Variants in MELK observed in about 807,000 individuals in gnomAD.
MELK encodes maternal embryonic leucine zipper kinase.
Under a neutral mutation model 85.0 loss-of-function variants are expected in MELK, and 81 were observed. That is an observed-to-expected ratio of 0.95 (90% confidence interval 0.80 to 1.15). MELK has a LOEUF of 1.15. Among genes scored for constraint, MELK ranks in the 50% most tolerant of loss-of-function variants. The pLI is 0.00. For synonymous variants in MELK, 252 were observed against 265.0 expected (o/e 0.95, Z 0.48); for missense variants, 754 against 777.5 (o/e 0.97, Z 0.36).
At chr9:36,652,729 C>CAAAAAAA (rs745699767) in intron 12 of MELK, among the ~76,000 whole-genome samples, 1 of 95,064 alleles carries the variant, frequency 1.1e-5, no homozygotes, top group African/African-American at 4.0e-5. Context: ...GACTCTGTCT[C>CAAAAAAA]AAAAAAAAAA....
At position 36,614,346 on chromosome 9, in the gene MELK, C is replaced by T. The variant is rs112433785; in HGVS notation, c.666+6673C>T. ...CCTGACTCAGGTGATTCACCTGCCT[C>T]GGCCTCCCAAGGTGCTGGGATTACA... On this transcript the variant is annotated intron_variant, in intron 8 of 17. Coordinates refer to ENST00000298048, the MANE Select transcript of MELK (RefSeq NM_014791.4). Among the ~76,000 whole-genome samples, 670 of 151,254 alleles carry T rather than the reference C, an allele frequency of 4.4e-3. 6 individuals carry two copies. Among genetic ancestry groups the T allele is most frequent in the African/African-American group, 0.016 (646 of 41,222 alleles).
chr9:36,595,669 G>C (rs1402980366), intron 5 of MELK, among the ~76,000 whole-genome samples: 1 of 144,688 alleles, frequency 6.9e-6, no homozygotes, highest in East Asian at 2.1e-4. Flanking sequence ...GCAGTGGCAT[G>C]ATCAGGGCTC....
intron 13 of MELK, among the ~76,000 whole-genome samples, chr9:36,659,225 AG>A (rs752299708): frequency 2.0e-5 from 3 of 152,030 alleles, no homozygotes; most frequent in Non-Finnish European, 2.9e-5. Context: ...CATATTGGCC[AG>A]GCTGGTGTTA....
At chr9:36,608,420 T>TAC (rs1262794337) in intron 8 of MELK, among the ~76,000 whole-genome samples, 3 of 148,736 alleles carry the variant, frequency 2.0e-5, no homozygotes, top group Non-Finnish European at 3.0e-5. Flanking sequence ...AACTTGTGTA[T>TAC]ATATATATAT....
intron 10 of MELK, among the ~76,000 whole-genome samples, chr9:36,638,389 G>A (rs774164446): frequency 1.3e-5 from 2 of 152,026 alleles, no homozygotes; most frequent in Non-Finnish European, 2.9e-5. Flanking sequence ...GGGTTCAAGC[G>A]ATTTTCCTGC....
chr9:36,577,511 A>G (rs1192004092), intron 1 of MELK, among the ~76,000 whole-genome samples: 2 of 151,924 alleles, frequency 1.3e-5, no homozygotes, highest in East Asian at 2.0e-4. Context: ...GCAAGACTCC[A>G]TCTCAAACAA....
intron 9 of MELK, among the ~76,000 whole-genome samples, chr9:36,630,786 T>C (rs935097966): frequency 5.3e-5 from 8 of 151,732 alleles, no homozygotes; most frequent in African/African-American, 1.7e-4. Flanking sequence ...TCCGAGTAGG[T>C]GGGATTACAG....
At chr9:36,623,011 A>G (rs183181015) in intron 8 of MELK, among the ~76,000 whole-genome samples, 3 of 152,312 alleles carry the variant, frequency 2.0e-5, no homozygotes, top group African/African-American at 7.2e-5. Flanking sequence ...ATCTCTGACC[A>G]TTTTTTGCTC....
intron 11 of MELK, among the ~76,000 whole-genome samples, chr9:36,650,064 T>C (rs10814424): frequency 0.77 from 117,397 of 151,740 alleles, 47,849 homozygotes; most frequent in Non-Finnish European, 0.9. Context: ...CTGCCTCAGC[T>C]TCCTGAGTAG....
chr9:36,615,800 G>A (rs10972998), intron 8 of MELK, among the ~76,000 whole-genome samples: 2 of 146,514 alleles, frequency 1.4e-5, no homozygotes, highest in Non-Finnish European at 3.0e-5. Flanking sequence ...ATGTGATGGC[G>A]GCTGGGAAGA....
intron 16 of MELK, 56 bp downstream of exon 16, chr9:36,671,222 C>T: frequency 1.7e-5 from 20 of 1,173,880 alleles, no homozygotes; most frequent in Middle Eastern, 2.2e-4. Context: ...AATGGACTGC[C>T]TTTTTTTTTT....
intron 10 of MELK, among the ~76,000 whole-genome samples, chr9:36,636,610 G>A (rs1031660326): frequency 3.9e-5 from 6 of 152,240 alleles, no homozygotes; most frequent in East Asian, 3.9e-4. Context: ...ACCTGGGGTC[G>A]TGGCTACAGT....
chr9:36,595,559 A>G (rs1343287015), intron 5 of MELK, among the ~76,000 whole-genome samples: 4 of 148,884 alleles, frequency 2.7e-5, no homozygotes, highest in African/African-American at 9.9e-5. Flanking sequence ...TGCATTTATG[A>G]GCATTCTGTG....
At chr9:36,632,933 T>A (rs1396906132) in intron 9 of MELK, among the ~76,000 whole-genome samples, 169 bp from the exon 10 acceptor site, 1 of 152,256 alleles carries the variant, frequency 6.6e-6, no homozygotes, top group African/African-American at 2.4e-5. Context: ...CTTGCCTCTG[T>A]TGCCTTTTTA....
At chr9:36,618,424 AAAAG>A (rs1003922117) in intron 8 of MELK, among the ~76,000 whole-genome samples, 66 of 151,946 alleles carry the variant, frequency 4.3e-4, no homozygotes, top group Non-Finnish European at 8.7e-4. Context: ...AAAAAAAAGA[AAAAG>A]AAAATTGAAT....
intron 1 of MELK, 63 bp from the exon 2 acceptor site, chr9:36,581,581 C>T: frequency 1.2e-6 from 1 of 826,406 alleles, no homozygotes; most frequent in South Asian, 1.6e-5. Flanking sequence ...TTTGCAGTTA[C>T]AAGAATGGAG....
chr9:36,614,445 A>ATTTTT (rs1564162098), intron 8 of MELK, among the ~76,000 whole-genome samples: 22 of 88,904 alleles, frequency 2.5e-4, no homozygotes, highest in African/African-American at 9.1e-4. Flanking sequence ...TTTTTTTTTA[A>ATTTTT]TTTATTTTTT....
In MELK at chr9:36,657,373, T is replaced by G. The variant is rs778934770; in HGVS notation, c.1176+10T>G. The G allele has an allele frequency of 6.3e-7, 1 of 1,597,094 alleles. No individual in the cohort carries two copies. Among genetic ancestry groups the G allele is most frequent in the East Asian group, 2.2e-5 (1 of 44,688 alleles). On this transcript the variant is annotated intron_variant, in intron 13 of 17. Transcript: ENST00000298048. ...TCCCCGAACATCACAGGTTCGTCAT[T>G]CTTATTACTATTTAAGGCAGAATCT...
At chr9:36,664,307 T>C (rs1411373534) in intron 13 of MELK, among the ~76,000 whole-genome samples, 1 of 152,218 alleles carries the variant, frequency 6.6e-6, no homozygotes, top group African/African-American at 2.4e-5. Flanking sequence ...ATGCTCATAG[T>C]GCTTGTGTCT....
Sources: allele counts gnomAD v4.1 joint callset (sites outside exome capture counted in the v4.1 genomes callset), GRCh38; gene constraint gnomAD v4.1.1; transcripts MANE v1.5; gene names NCBI Gene and HGNC (gene_info 2026-07-23, HGNC 2026-07-21).